The following BANK1 variants were observed in gnomAD, a reference collection of about 807,000 sequenced individuals.
The protein encoded by BANK1 is B cell scaffold protein with ankyrin repeats 1.
A neutral mutation model predicts 94.5 loss-of-function variants in BANK1; 95 were observed. The ratio of observed to expected loss-of-function variants is 1.00; its 90% CI spans 0.85 to 1.19. The LOEUF (loss-of-function observed/expected upper bound fraction) is 1.19. Among genes scored for constraint, BANK1 ranks in the 50% most tolerant of loss-of-function variants. BANK1 has a pLI of 0.00. For synonymous variants in BANK1, 334 were observed against 308.4 expected (o/e 1.08, Z -0.87); for missense variants, 987 against 932.2 (o/e 1.06, Z -0.77).
chr4:101,814,476 C>G (rs949307383), intron 1 of BANK1, among the ~76,000 whole-genome samples: 4 of 152,172 alleles, frequency 2.6e-5, no homozygotes, highest in Admixed American at 1.3e-4. Flanking sequence ...TTTCTCGGAA[C>G]TAGGAAAGCA....
intron 5 of BANK1, among the ~76,000 whole-genome samples, chr4:101,875,881 A>G (rs1220342985): frequency 6.6e-6 from 1 of 152,172 alleles, no homozygotes; most frequent in African/African-American, 2.4e-5. Flanking sequence ...GCCCAGTGAC[A>G]GTGGACTTGG....
At chr4:101,986,823 GTATATATATGTATATATA>G (rs1452194190) in intron 7 of BANK1, among the ~76,000 whole-genome samples, 1 of 115,408 alleles carries the variant, frequency 8.7e-6, no homozygotes, top group East Asian at 2.5e-4. Flanking sequence ...ATATATATGT[GTATATATATGTATATATA>G]TGTGTATATA....
intron 7 of BANK1, among the ~76,000 whole-genome samples, chr4:101,948,430 G>T (rs1247708481): frequency 2.6e-5 from 4 of 152,086 alleles, no homozygotes; most frequent in Non-Finnish European, 5.9e-5. Flanking sequence ...ACTCAGATCT[G>T]CAAATAATAC....
chr4:101,868,366 CATGA>C (rs1560608872), intron 4 of BANK1, among the ~76,000 whole-genome samples: 1 of 151,914 alleles, frequency 6.6e-6, no homozygotes, highest in African/African-American at 2.4e-5. Flanking sequence ...GAAAAATTAT[CATGA>C]ATGAACAGAA....
At chr4:101,930,914 T>A (rs1723316536) in intron 7 of BANK1, among the ~76,000 whole-genome samples, 1 of 151,598 alleles carries the variant, frequency 6.6e-6, no homozygotes, top group Admixed American at 6.6e-5. Flanking sequence ...AAATCATTGC[T>A]AAACATCACA....
intron 10 of BANK1, among the ~76,000 whole-genome samples, chr4:102,039,567 GA>G (rs1347803092): frequency 6.6e-6 from 1 of 152,024 alleles, no homozygotes; most frequent in Admixed American, 6.6e-5. Context: ...AGGGAGAATA[GA>G]GAGCTACAAG....
chr4:102,071,713 C>T (rs1728769009), intron 14 of BANK1, among the ~76,000 whole-genome samples: 1 of 152,164 alleles, frequency 6.6e-6, no homozygotes, highest in Non-Finnish European at 1.5e-5. Flanking sequence ...TTGGGAGTTA[C>T]TGATAAAGCA....
intron 7 of BANK1, among the ~76,000 whole-genome samples, chr4:101,990,969 C>G (rs953855295): frequency 1.3e-5 from 2 of 152,170 alleles, no homozygotes; most frequent in Admixed American, 6.6e-5. Context: ...AATGCTGTCT[C>G]TAATAATAGC....
At position 102,074,232 on chromosome 4, in the gene BANK1, A is replaced by T. The variant is rs1578495383; in HGVS notation, c.*233A>T. 4 of 152,294 alleles carry T rather than the reference A, an allele frequency of 2.6e-5. No individual in the cohort carries two copies. The highest frequency in any genetic ancestry group is 2.6e-4 in the Admixed American group (4 of 15,292). 9.4% of individuals were successfully genotyped at this position (152,294 alleles called of 1,614,324 possible). A position where few individuals can be genotyped will look rare whatever the true frequency, so the allele number is the denominator to read the frequency against. Reference sequence around the variant, plus strand: ...CATAGAGTAATTGCATTATTTGAAAATTCTCTCATTTTACAATGCACTTCA... The same window carrying T: ...CATAGAGTAATTGCATTATTTGAAATTTCTCTCATTTTACAATGCACTTCA... On this transcript the variant is annotated 3_prime_UTR_variant, in exon 17 of 17. Coordinates refer to ENST00000322953, the MANE Select transcript of BANK1 (RefSeq NM_017935.5).
At chr4:101,832,157 G>A (rs1726647542) in intron 2 of BANK1, among the ~76,000 whole-genome samples, 1 of 152,178 alleles carries the variant, frequency 6.6e-6, no homozygotes, top group African/African-American at 2.4e-5. Context: ...TATTGCTCTT[G>A]CTCTTCTGTC....
chr4:101,792,570 G>A (rs976315826), intron 1 of BANK1, among the ~76,000 whole-genome samples: 1 of 151,440 alleles, frequency 6.6e-6, no homozygotes, highest in African/African-American at 2.4e-5. Flanking sequence ...AGAGAAGAGA[G>A]CACTGAGATC....
chr4:102,026,620 G>A (rs1190216603), intron 9 of BANK1, among the ~76,000 whole-genome samples: 1 of 152,048 alleles, frequency 6.6e-6, no homozygotes, highest in Non-Finnish European at 1.5e-5. Context: ...CCTGAGGTCA[G>A]GAGTTCGAGA....
chr4:102,070,332 G>A (rs879048952), intron 13 of BANK1, among the ~76,000 whole-genome samples: 5 of 152,168 alleles, frequency 3.3e-5, no homozygotes, highest in Admixed American at 3.3e-4. Context: ...CCTTACACTT[G>A]GGAAGTGAGC....
At chr4:102,061,266 T>A (rs1389766506) in intron 12 of BANK1, 2 of 152,162 alleles carry the variant, frequency 1.3e-5, no homozygotes, top group African/African-American at 4.8e-5. Flanking sequence ...AATAGAGAAA[T>A]TTCACACAAT....
intron 1 of BANK1, among the ~76,000 whole-genome samples, chr4:101,794,580 C>A (rs1291477631): frequency 1.3e-5 from 2 of 152,014 alleles, no homozygotes; most frequent in East Asian, 3.8e-4. Context: ...CCTTGTAATC[C>A]TTTCCTTTCC....
intron 1 of BANK1, among the ~76,000 whole-genome samples, chr4:101,829,242 A>G (rs937864426): frequency 7.2e-5 from 11 of 152,004 alleles, no homozygotes; most frequent in Admixed American, 7.2e-4. Flanking sequence ...TATCTTTCTT[A>G]TTTCAAGGAT....
intron 7 of BANK1, among the ~76,000 whole-genome samples, chr4:101,996,938 T>C (rs1286564806): frequency 6.6e-6 from 1 of 152,178 alleles, no homozygotes; most frequent in Non-Finnish European, 1.5e-5. Context: ...TCTTGCTTGA[T>C]TGCCCTGGCC....
At chr4:101,861,054 G>A (rs1277974032) in intron 3 of BANK1, among the ~76,000 whole-genome samples, 1 of 152,152 alleles carries the variant, frequency 6.6e-6, no homozygotes, top group Non-Finnish European at 1.5e-5. Context: ...GGAACAGGAG[G>A]GCTTACACTC....
At chr4:101,886,765 G>A (rs1002023397) in intron 5 of BANK1, among the ~76,000 whole-genome samples, 1 of 147,624 alleles carries the variant, frequency 6.8e-6, no homozygotes, top group East Asian at 2.1e-4. Flanking sequence ...ATATATTGGG[G>A]GGGGGGGCAT....
Sources: gnomAD v4.1 joint callset for allele counts (sites outside exome capture counted in the v4.1 genomes callset) on GRCh38, gnomAD v4.1.1 for gene constraint, MANE v1.5 for transcripts, NCBI Gene and HGNC (gene_info 2026-07-23, HGNC 2026-07-21) for gene names.